Variants in SIPA1L2 observed in about 807,000 individuals in gnomAD.
SIPA1L2 encodes the protein signal induced proliferation associated 1 like 2, also known as signal-induced proliferation-associated 1-like protein 2.
Under a neutral mutation model 163.9 loss-of-function variants are expected in SIPA1L2, and 56 were observed. The observed-to-expected ratio is 0.34, with a 90% CI of 0.28 to 0.43. SIPA1L2 has a LOEUF of 0.43. SIPA1L2 is among the 20% of genes least tolerant of loss of function. The pLI, the probability that SIPA1L2 is intolerant of heterozygous loss-of-function variation, is 1.00. For synonymous variants in SIPA1L2, 877 were observed against 865.7 expected (o/e 1.01, Z -0.23); for missense variants, 1,974 against 2,193.5 (o/e 0.90, Z 2.00).
intron 2 of SIPA1L2, among the ~76,000 whole-genome samples, chr1:232,569,551 A>T (rs1005816769): frequency 2.6e-5 from 4 of 152,158 alleles, no homozygotes; most frequent in Non-Finnish European, 5.9e-5. Flanking sequence ...GGTGGCTCAC[A>T]CCTGTAATCC....
At chr1:232,459,479 T>A (rs922459213) in intron 10 of SIPA1L2, among the ~76,000 whole-genome samples, 8 of 152,200 alleles carry the variant, frequency 5.3e-5, no homozygotes, top group African/African-American at 1.9e-4. Flanking sequence ...TATTTTTTCA[T>A]ATGAAAGAAA....
chr1:232,569,509 G>A (rs1249003247), intron 2 of SIPA1L2, among the ~76,000 whole-genome samples: 1 of 152,114 alleles, frequency 6.6e-6, no homozygotes, highest in Non-Finnish European at 1.5e-5. Context: ...CTCAGTCTGA[G>A]AACATTTTAA....
chr1:232,493,140 G>A (rs1338350882), intron 4 of SIPA1L2, among the ~76,000 whole-genome samples: 5 of 152,060 alleles, frequency 3.3e-5, no homozygotes, highest in Admixed American at 3.3e-4. Flanking sequence ...CTCTCTCTCT[G>A]TCCTGGTCCA....
intron 3 of SIPA1L2, among the ~76,000 whole-genome samples, chr1:232,508,791 C>T (rs1384673322): frequency 2.0e-5 from 3 of 152,186 alleles, no homozygotes; most frequent in African/African-American, 7.2e-5. Flanking sequence ...ATCCTCACTG[C>T]TTTTAAAAAA....
chr1:232,533,904 A>G lies in SIPA1L2; in HGVS notation c.-269-18296T>C, dbSNP rs868209724. 2.0e-5 allele frequency among the ~76,000 whole-genome samples: 3 copies of G among 152,218 alleles called. No homozygotes were observed. In the South Asian group the frequency reaches 6.2e-4, roughly 31 times the overall value. On this transcript the variant is annotated intron_variant, in intron 2 of 22. Transcript: ENST00000674635. ...GGGAATATATATTAAAAAATATTAG[A>G]TGCAAGGCATCCAGGTTCATGAATT...
intron 1 of SIPA1L2, among the ~76,000 whole-genome samples, chr1:232,621,053 T>C (rs1466531396): frequency 6.6e-6 from 1 of 152,202 alleles, no homozygotes; most frequent in Non-Finnish European, 1.5e-5. Flanking sequence ...AAAATTGTTT[T>C]CCTCTTATAT....
intron 18 of SIPA1L2, 154 bp from the exon 19 acceptor site, chr1:232,415,779 C>T: frequency 1.2e-6 from 1 of 838,320 alleles, no homozygotes; most frequent in Non-Finnish European, 1.9e-6. Flanking sequence ...AGAACACGGG[C>T]ACCACTGTCC....
chr1:232,565,012 C>T (rs751582340), intron 2 of SIPA1L2, among the ~76,000 whole-genome samples: 16 of 152,094 alleles, frequency 1.1e-4, no homozygotes, highest in Non-Finnish European at 1.6e-4. Context: ...CACATGTATA[C>T]CTATGTAATA....
At chr1:232,601,076 A>G (rs1263719306) in intron 1 of SIPA1L2, among the ~76,000 whole-genome samples, 1 of 152,180 alleles carries the variant, frequency 6.6e-6, no homozygotes, top group Non-Finnish European at 1.5e-5. Flanking sequence ...CCTAGAGGAG[A>G]GCAAGGGACC....
intron 9 of SIPA1L2, among the ~76,000 whole-genome samples, chr1:232,461,805 C>T (rs1044587556): frequency 6.6e-6 from 1 of 152,216 alleles, no homozygotes; most frequent in Non-Finnish European, 1.5e-5. Flanking sequence ...TAGGGACATA[C>T]TGTGGAGTGT....
intron 10 of SIPA1L2, among the ~76,000 whole-genome samples, chr1:232,457,230 C>G (rs930804325): frequency 5.9e-5 from 9 of 152,166 alleles, no homozygotes; most frequent in Non-Finnish European, 1.3e-4. Flanking sequence ...ACCTTTTGAC[C>G]TGAGGACAAG....
At chr1:232,458,009 AAG>A (rs1445284535) in intron 10 of SIPA1L2, among the ~76,000 whole-genome samples, 1 of 152,232 alleles carries the variant, frequency 6.6e-6, no homozygotes, top group African/African-American at 2.4e-5. Flanking sequence ...ACTGAATTGA[AAG>A]AGTTTTAAAT....
chr1:232,487,324 T>C (rs1406335180), intron 5 of SIPA1L2, among the ~76,000 whole-genome samples: 8 of 152,184 alleles, frequency 5.3e-5, no homozygotes, highest in Non-Finnish European at 1.2e-4. Context: ...GAGTGTGCAA[T>C]AAATCCCTTC....
chr1:232,441,382 T>C lies in SIPA1L2; in HGVS notation c.3551A>G (p.His1184Arg), dbSNP rs1392124215. Residue 1184 changes from histidine (H) to arginine (R), a missense_variant, in exon 14 of 23, where the codon CAT becomes CGT. Around this residue, in one of 3 missense-constraint regions of SIPA1L2, gnomAD observed 1,079 missense variants for 1,150.7 expected, o/e 0.94. Coordinates refer to ENST00000674635, the MANE Select transcript of SIPA1L2 (RefSeq NM_020808.5). ...EASRHPETKW[H>R]GPPSKVLGSY... The stretch of plus-strand genomic sequence containing the variant: ...ACCCAGGACTTTGGAAGGTGGGCCA[T>C]GCCATTTGGTTTCTGTCACATAAAA... 1 of 1,602,010 alleles carries C rather than the reference T, an allele frequency of 6.2e-7. No homozygotes were observed. The highest frequency in any genetic ancestry group is 1.8e-5 in the Admixed American group (1 of 55,346).
At chr1:232,474,379 T>C (rs1664934838) in intron 7 of SIPA1L2, among the ~76,000 whole-genome samples, 1 of 152,164 alleles carries the variant, frequency 6.6e-6, no homozygotes, top group Non-Finnish European at 1.5e-5. Context: ...AAAGAGAAAA[T>C]GTGAGTCTTC....
At chr1:232,401,652 G>C (rs1474744207) in intron 22 of SIPA1L2, among the ~76,000 whole-genome samples, 1 of 152,128 alleles carries the variant, frequency 6.6e-6, no homozygotes, top group Non-Finnish European at 1.5e-5. Flanking sequence ...TCCAAGGCCA[G>C]CTCCCTCCTT....
chr1:232,499,152 T>C (rs939734364), intron 3 of SIPA1L2, among the ~76,000 whole-genome samples: 4 of 152,272 alleles, frequency 2.6e-5, no homozygotes, highest in Admixed American at 1.3e-4. Flanking sequence ...ATAATAACCC[T>C]ACAATGGCCC....
chr1:232,627,368 G>A (rs1663132987), intron 1 of SIPA1L2, among the ~76,000 whole-genome samples: 1 of 152,126 alleles, frequency 6.6e-6, no homozygotes, highest in African/African-American at 2.4e-5. Context: ...TTTCAGGGTA[G>A]CTAGTATTTC....
At chr1:232,597,727 T>G (rs1661356372) in intron 1 of SIPA1L2, among the ~76,000 whole-genome samples, 1 of 143,512 alleles carries the variant, frequency 7.0e-6, no homozygotes, top group Non-Finnish European at 1.5e-5. Context: ...TAACAAGATT[T>G]GATCTGGACT....
Sources: allele counts gnomAD v4.1 joint callset (sites outside exome capture counted in the v4.1 genomes callset), GRCh38; gene constraint gnomAD v4.1.1; regional missense constraint gnomAD v4.1.1; transcripts MANE v1.5; gene names NCBI Gene and HGNC (gene_info 2026-07-23, HGNC 2026-07-21).